Variants in RHOA observed in about 807,000 individuals in gnomAD.
The protein encoded by RHOA is transforming protein RhoA.
In RHOA, 3 loss-of-function variants were observed where a neutral mutation model predicts 17.5. The observed-to-expected ratio is 0.17, with a 90% confidence interval of 0.08 to 0.44. The LOEUF (loss-of-function observed/expected upper bound fraction) is 0.44. RHOA is among the 20% of genes least tolerant of loss of function. The pLI is 0.99. For synonymous variants in RHOA, 98 were observed against 88.4 expected (o/e 1.11, Z -0.61); for missense variants, 56 against 242.3 (o/e 0.23, Z 5.10).
chr3:49,400,359 C>G (rs1205629578), intron 1 of RHOA, among the ~76,000 whole-genome samples: 5 of 151,888 alleles, frequency 3.3e-5, no homozygotes, highest in Non-Finnish European at 7.4e-5. Flanking sequence ...TGTGTTCAGG[C>G]CAAGGGTTGA....
intron 1 of RHOA, among the ~76,000 whole-genome samples, chr3:49,411,360 G>T (rs1270214699): frequency 2.0e-5 from 3 of 152,246 alleles, no homozygotes. Flanking sequence ...ATGAAACAGT[G>T]ATTGTCGTTT....
chr3:49,387,104 A>G (rs977821715), intron 1 of RHOA, among the ~76,000 whole-genome samples: 1 of 94,996 alleles, frequency 1.1e-5, no homozygotes, highest in African/African-American at 4.3e-5. Context: ...GCAACAAGAG[A>G]GAAACTCCGT....
chr3:49,377,459 G>A (rs954089352), intron 1 of RHOA, among the ~76,000 whole-genome samples: 3 of 152,022 alleles, frequency 2.0e-5, no homozygotes, highest in Non-Finnish European at 4.4e-5. Context: ...AGCCAGGAGC[G>A]GTGGTGCATG....
intron 1 of RHOA, among the ~76,000 whole-genome samples, chr3:49,411,536 G>A (rs1054670548): frequency 6.6e-6 from 1 of 152,104 alleles, no homozygotes; most frequent in Admixed American, 6.5e-5. Flanking sequence ...TCCGGGGACC[G>A]AGGGCGGGCA....
At chr3:49,389,492 G>C (rs1431324449) in intron 1 of RHOA, among the ~76,000 whole-genome samples, 2 of 152,062 alleles carry the variant, frequency 1.3e-5, no homozygotes, top group Non-Finnish European at 2.9e-5. Flanking sequence ...TCCAGAACAG[G>C]TTCTGAGCGG....
At chr3:49,363,245 C>T (rs1313153564) in intron 3 of RHOA, among the ~76,000 whole-genome samples, 1 of 151,644 alleles carries the variant, frequency 6.6e-6, no homozygotes, top group African/African-American at 2.4e-5. Context: ...AGTGAAACCC[C>T]GTCTCTACTA....
At chr3:49,363,879 CACAAAAACAT>C (rs1424123745) in intron 3 of RHOA, among the ~76,000 whole-genome samples, 2 of 151,770 alleles carry the variant, frequency 1.3e-5, no homozygotes, top group East Asian at 3.9e-4. Flanking sequence ...ACCCCATCTC[CACAAAAACAT>C]ACAAAAACTT....
rs1381401434 is a variant in RHOA, at chr3:49,368,448, A to T, written c.257T>A (p.Ile86Asn). 2 of 1,614,022 alleles carry T rather than the reference A, an allele frequency of 1.2e-6. No individual in the cohort carries two copies. The highest frequency in any genetic ancestry group is 1.7e-6 in the Non-Finnish European group (2 of 1,179,932). The change falls in exon 3 of 5, where the codon ATC becomes AAC. Residue 86 changes from isoleucine to asparagine, a missense_variant. By Grantham distance (149) the Ile-to-Asn change is moderately radical (BLOSUM62 -3). Around this residue, in one of 2 missense-constraint regions of RHOA, gnomAD observed 17 missense variants for 156.3 expected, o/e 0.11. Coordinates refer to ENST00000418115, the MANE Select transcript of RHOA (RefSeq NM_001664.4). Reference sequence around the variant, plus strand: ...CTCACCTAAACTATCAGGGCTGTCGATGGAAAAACACATCAGTATAACATC... The same window carrying T: ...CTCACCTAAACTATCAGGGCTGTCGTTGGAAAAACACATCAGTATAACATC... ...DTDVILMCFS[I>N]DSPDSLENIP...
At chr3:49,411,753 G>A (rs2048942283) in intron 1 of RHOA, 67 bp downstream of exon 1, 4 of 152,162 alleles carry the variant, frequency 2.6e-5, no homozygotes, top group Middle Eastern at 3.4e-3. Flanking sequence ...GCGGCCTGCC[G>A]GCCGGAAGAG....
chr3:49,396,693 G>A (rs1399187447), intron 1 of RHOA, among the ~76,000 whole-genome samples: 1 of 151,872 alleles, frequency 6.6e-6, no homozygotes, highest in Admixed American at 6.6e-5. Context: ...GGCAACAAGA[G>A]CAAAACATCA....
rs1575641114 is a variant in RHOA at position 49,362,559 on chromosome 3, A to T, written c.345T>A (p.Val115=). The change falls in exon 4 of 5, where the codon GTT becomes GTA. Residue 115 remains valine (V), a synonymous_variant. Coordinates refer to ENST00000418115, the MANE Select transcript of RHOA (RefSeq NM_001664.4). ...CATTCCGAAGATCCTTCTTATTCCC[A>T]ACCAGGATGATGGGCACGTTGGGAC... ...HFCPNVPIIL[V]GNKKDLRNDE... is the part of the protein sequence containing the mutation. 6.2e-7 allele frequency: 1 copy of T among 1,613,560 alleles called. No individual in the cohort carries two copies. Among genetic ancestry groups the T allele is most frequent in the Admixed American group, 1.7e-5 (1 of 59,914 alleles).
chr3:49,392,711 A>T (rs997027254), intron 1 of RHOA, among the ~76,000 whole-genome samples: 4 of 152,184 alleles, frequency 2.6e-5, no homozygotes, highest in African/African-American at 9.7e-5. Context: ...CTCAATAGCC[A>T]CATGTGGCTG....
chr3:49,363,689 T>C (rs1471519292), intron 3 of RHOA, among the ~76,000 whole-genome samples: 1 of 150,866 alleles, frequency 6.6e-6, no homozygotes, highest in African/African-American at 2.4e-5. Flanking sequence ...TCATCTCTAC[T>C]AAAATTACTA....
At chr3:49,399,695 C>A (rs1185512366) in intron 1 of RHOA, among the ~76,000 whole-genome samples, 4 of 151,836 alleles carry the variant, frequency 2.6e-5, no homozygotes, top group Admixed American at 6.6e-5. Flanking sequence ...CCCTCAGCTG[C>A]CCCAAGTGCT....
At chr3:49,402,150 T>A (rs1412790558) in intron 1 of RHOA, among the ~76,000 whole-genome samples, 2 of 152,314 alleles carry the variant, frequency 1.3e-5, no homozygotes, top group Non-Finnish European at 2.9e-5. Flanking sequence ...AATAAGAGCA[T>A]GAAATCATTT....
chr3:49,390,251 C>T (rs1216203231), intron 1 of RHOA, among the ~76,000 whole-genome samples: 3 of 151,984 alleles, frequency 2.0e-5, no homozygotes, highest in African/African-American at 7.2e-5. Flanking sequence ...TCTTGTGTCC[C>T]AGCCTTCTGA....
At chr3:49,377,611 GA>G (rs71077801) in intron 1 of RHOA, among the ~76,000 whole-genome samples, 56 of 143,616 alleles carry the variant, frequency 3.9e-4, no homozygotes, top group East Asian at 2.3e-3. Context: ...AGAAGGAAAA[GA>G]AAAAAAAAAA....
intron 1 of RHOA, among the ~76,000 whole-genome samples, chr3:49,391,536 A>C (rs1428293324): frequency 6.6e-6 from 1 of 152,170 alleles, no homozygotes; most frequent in Non-Finnish European, 1.5e-5. Context: ...GGTAGCTACT[A>C]GCCACATTGT....
rs891901421 is a variant in RHOA at position 49,359,257 on chromosome 3, C to G, written c.*952G>C. The G allele has an allele frequency of 1.6e-5, 3 of 193,076 alleles. No individual in the cohort carries two copies. The highest frequency in any genetic ancestry group is 3.3e-5 in the Non-Finnish European group (3 of 92,306). 12.0% of individuals were successfully genotyped at this position (193,076 alleles called of 1,614,324 possible). ...GAGTGCCACCCATGAGAACTGGTGG[C>G]TCCTCTGGGAGGGAACCTGGATACA... On this transcript the variant is annotated 3_prime_UTR_variant, in exon 5 of 5. Transcript: ENST00000418115.
Sources: gnomAD v4.1 joint callset for allele counts (sites outside exome capture counted in the v4.1 genomes callset) on GRCh38, gnomAD v4.1.1 for gene constraint, gnomAD v4.1.1 regional missense constraint, MANE v1.5 for transcripts, NCBI Gene and HGNC (gene_info 2026-07-23, HGNC 2026-07-21) for gene names.